Variants in C19orf38 observed in about 807,000 individuals in gnomAD.
C19orf38 encodes the protein chromosome 19 open reading frame 38, also known as protein HIDE1.
C19orf38 carries 14 observed loss-of-function variants against 26.6 expected under a neutral mutation model. The ratio of observed to expected loss-of-function variants is 0.53; its 90% CI spans 0.35 to 0.82. C19orf38 has a LOEUF of 0.82. Ranked by LOEUF, C19orf38 falls within the 40% of genes least tolerant of loss-of-function variation. C19orf38 has a pLI of 0.01. For synonymous variants in C19orf38, 132 were observed against 128.5 expected, an observed-to-expected ratio of 1.03 and a Z score of -0.18; for missense variants, 261 against 299.5, an observed-to-expected ratio of 0.87 and a Z score of 0.95.
In C19orf38 at chr19:10,869,334, C is replaced by A; in HGVS notation, c.660C>A (p.Thr220=). 1 of 1,551,396 alleles carries A rather than the reference C, an allele frequency of 6.4e-7. No individual in the cohort carries two copies. The highest frequency in any genetic ancestry group is 8.7e-7 in the Non-Finnish European group (1 of 1,146,916). The change falls in exon 7 of 7, where the codon ACC becomes ACA. Residue 220 remains threonine (T), a synonymous_variant. Coordinates refer to ENST00000397820, the MANE Select transcript of C19orf38 (RefSeq NM_001136482.3). The stretch of plus-strand genomic sequence containing the variant: ...CTTCCACGTCCTCCTCGCCTGAGAC[C>A]CCCGAATTCAGCACTTTCCGGGCCT... The part of the protein sequence containing the change: ...RPTSTSSSPE[T]PEFSTFRACQ
intron 5 of C19orf38, among the ~76,000 whole-genome samples, chr19:10,860,645 T>C (rs1399621705): frequency 7.3e-6 from 1 of 136,484 alleles, no homozygotes; most frequent in African/African-American, 2.7e-5. Context: ...ATCGAGACCA[T>C]CCTGGCTAAA....
chr19:10,858,226 TAAAA>T, intron 3 of C19orf38, 86 bp from the exon 4 acceptor site: 668 of 319,574 alleles, frequency 2.1e-3, no homozygotes, highest in Admixed American at 2.9e-3. Context: ...AGACTCTGTC[TAAAA>T]AAAAAAAAAA....
chr19:10,860,534 C>CAAAAAAAAAAA (rs900601654), intron 5 of C19orf38, among the ~76,000 whole-genome samples: 1 of 21,836 alleles, frequency 4.6e-5, no homozygotes, highest in Non-Finnish European at 7.5e-5. Context: ...GACTCCATCT[C>CAAAAAAAAAAA]AAAAAAAAAA....
chr19:10,853,070 A>AT (rs1007817728), intron 2 of C19orf38, among the ~76,000 whole-genome samples: 10 of 147,628 alleles, frequency 6.8e-5, no homozygotes, highest in East Asian at 2.0e-4. Flanking sequence ...AAATTATTTT[A>AT]TTTTTTTTTT....
intron 4 of C19orf38, among the ~76,000 whole-genome samples, chr19:10,859,439 G>A (rs1288857057): frequency 7.1e-6 from 1 of 141,104 alleles, no homozygotes; most frequent in Non-Finnish European, 1.5e-5. Context: ...CTGGAGTACA[G>A]TGGCGCAATC....
intron 2 of C19orf38, among the ~76,000 whole-genome samples, chr19:10,856,015 A>G (rs2073621721): frequency 1.3e-5 from 2 of 152,136 alleles, no homozygotes; most frequent in African/African-American, 4.8e-5. Flanking sequence ...CTCTTTTCCC[A>G]GTGGTACCAC....
chr19:10,840,914 C>T, intron 1 of C19orf38, among the ~76,000 whole-genome samples: 1 of 152,200 alleles, frequency 6.6e-6, no homozygotes, highest in East Asian at 1.9e-4. Context: ...GGATTACAGG[C>T]GTGGGCCACT....
In C19orf38 at chr19:10,851,707, G is replaced by A. The variant is rs528132457; in HGVS notation, c.340+1140G>A. Among the ~76,000 whole-genome samples, 13 of 151,806 alleles carry A rather than the reference G, an allele frequency of 8.6e-5. No homozygotes were observed. The East Asian group carries it at 1.6e-3, about 18-fold the overall frequency. On this transcript the variant is annotated intron_variant, in intron 2 of 6. Coordinates refer to ENST00000397820, the MANE Select transcript of C19orf38 (RefSeq NM_001136482.3). ...AAATAGGCTGGGCGTGGTGGCTCAC[G>A]CCTGTAATCCCAGCACTTTGGGAGG...
rs1252734197 is a variant in C19orf38, at chr19:10,869,322, C to T, written c.648C>T (p.Ser216=). The T allele has an allele frequency of 3.2e-5, 49 of 1,551,524 alleles. No homozygotes were observed. Among genetic ancestry groups the T allele is most frequent in the East Asian group, 2.7e-4 (11 of 40,938 alleles). ...GGAAGAGGCCCACTTCCACGTCCTC[C>T]TCGCCTGAGACCCCCGAATTCAGCA... ...RTRKRPTSTS[S]SPETPEFSTF... The change falls in exon 7 of 7, where the codon TCC becomes TCT. Residue 216 remains serine (S), a synonymous_variant. Coordinates refer to ENST00000397820, the MANE Select transcript of C19orf38 (RefSeq NM_001136482.3).
At chr19:10,838,564 C>T (rs1048178196) in intron 1 of C19orf38, among the ~76,000 whole-genome samples, 26 of 152,104 alleles carry the variant, frequency 1.7e-4, no homozygotes, top group Non-Finnish European at 3.5e-4. Context: ...GAAACGGCCT[C>T]GTTGTCTTGA....
intron 5 of C19orf38, among the ~76,000 whole-genome samples, chr19:10,862,596 G>A (rs1818613762): frequency 6.6e-6 from 1 of 152,054 alleles, no homozygotes. Context: ...TTGGGAGGCC[G>A]AGGCAGGCAG....
chr19:10,862,551 C>T (rs1248987736), intron 5 of C19orf38, among the ~76,000 whole-genome samples: 8 of 151,716 alleles, frequency 5.3e-5, no homozygotes, highest in Non-Finnish European at 1.0e-4. Flanking sequence ...TAATGGAGGC[C>T]GGGTGTGGTG....
intron 1 of C19orf38, among the ~76,000 whole-genome samples, chr19:10,837,063 C>G (rs936946144): frequency 1.3e-5 from 2 of 152,222 alleles, no homozygotes; most frequent in Non-Finnish European, 2.9e-5. Context: ...GGCATTCCCT[C>G]TGTTGAGCCT....
At chr19:10,866,320 A>G (rs2146279569) in intron 6 of C19orf38, among the ~76,000 whole-genome samples, 1 of 149,160 alleles carries the variant, frequency 6.7e-6, no homozygotes, top group Middle Eastern at 3.6e-3. Flanking sequence ...CCTGCCGAGT[A>G]GCTGGGATTA....
chr19:10,842,069 A>G, intron 1 of C19orf38: 1 of 1,601,058 alleles, frequency 6.2e-7, no homozygotes, highest in Non-Finnish European at 8.6e-7. Context: ...CAGTGGAATT[A>G]TTGGACAGTA....
At chr19:10,854,724 T>C (rs2073606939) in intron 2 of C19orf38, among the ~76,000 whole-genome samples, 1 of 152,146 alleles carries the variant, frequency 6.6e-6, no homozygotes, top group Non-Finnish European at 1.5e-5. Flanking sequence ...CTCCCATGCC[T>C]GTGTGACTAG....
At chr19:10,869,126 G>A (rs2073778957) in intron 6 of C19orf38, 92 bp from the exon 7 acceptor site, 2 of 1,489,746 alleles carry the variant, frequency 1.3e-6, no homozygotes, top group South Asian at 2.4e-5. Context: ...GACCTGCTGG[G>A]CTGGCAGAGT....
chr19:10,855,685 C>T (rs553704577), intron 2 of C19orf38, among the ~76,000 whole-genome samples: 23 of 152,244 alleles, frequency 1.5e-4, no homozygotes, highest in Admixed American at 5.9e-4. Flanking sequence ...CGTGCCAGCA[C>T]GCCTGGCTAA....
chr19:10,867,143 G>T (rs143282504), intron 6 of C19orf38, among the ~76,000 whole-genome samples: 4 of 151,458 alleles, frequency 2.6e-5, no homozygotes, highest in African/African-American at 7.3e-5. Context: ...ACTCCCCGTT[G>T]TCCCTCCCCC....
Sources: gnomAD v4.1 joint callset for allele counts (sites outside exome capture counted in the v4.1 genomes callset) on GRCh38, gnomAD v4.1.1 for gene constraint, MANE v1.5 for transcripts, NCBI Gene and HGNC (gene_info 2026-07-23, HGNC 2026-07-21) for gene names.